CDH4: variants seen among roughly 807,000 people sequenced by gnomAD.
The protein encoded by CDH4 is cadherin-4.
CDH4 carries 33 observed loss-of-function variants against 86.0 expected under a neutral mutation model. The ratio of observed to expected loss-of-function variants is 0.38; its 90% CI spans 0.29 to 0.51. The LOEUF (loss-of-function observed/expected upper bound fraction) is 0.51, where lower values mean the gene tolerates loss of function less well. Ranked by LOEUF, CDH4 falls within the 20% of genes least tolerant of loss-of-function variation. CDH4 has a pLI of 0.86. For missense variants in CDH4, 1,114 were observed against 1,307.4 expected (o/e 0.85, Z 2.28); for synonymous variants, 555 against 549.4 (o/e 1.01, Z -0.14).
At position 61,565,136 on chromosome 20, in the gene CDH4, C is replaced by G. The variant is rs111600096; in HGVS notation, c.170-178427C>G. Reference sequence around the variant, plus strand: ...TGCTGGTGCTCTTGGTGGTGCTGGTCCTCTTGGTGTTGGTAGTGGTCCTCT... The same window carrying G: ...TGCTGGTGCTCTTGGTGGTGCTGGTGCTCTTGGTGTTGGTAGTGGTCCTCT... On this transcript the variant is annotated intron_variant, in intron 2 of 15. Coordinates refer to ENST00000614565, the MANE Select transcript of CDH4 (RefSeq NM_001794.5). Among the ~76,000 whole-genome samples, 617 of 66,982 alleles carry G rather than the reference C, an allele frequency of 9.2e-3. 10 individuals are homozygous for G. The highest frequency in any genetic ancestry group is 0.033 in the African/African-American group (445 of 13,442). 43.9% of individuals were successfully genotyped at this position (66,982 alleles called of 152,430 possible).
intron 4 of CDH4, among the ~76,000 whole-genome samples, chr20:61,828,631 C>A (rs1311579244): frequency 6.6e-6 from 1 of 152,236 alleles, no homozygotes; most frequent in Non-Finnish European, 1.5e-5. Flanking sequence ...TCCCAAGGCT[C>A]TTCCTTCCCT....
At chr20:61,296,226 AAAT>A (rs1465798092) in intron 2 of CDH4, among the ~76,000 whole-genome samples, 1 of 149,464 alleles carries the variant, frequency 6.7e-6, no homozygotes, top group Non-Finnish European at 1.5e-5. Flanking sequence ...AGAGTTGTCA[AAAT>A]AATGAGTGTG....
At chr20:61,756,638 T>C (rs542345294) in intron 3 of CDH4, among the ~76,000 whole-genome samples, 18 of 151,332 alleles carry the variant, frequency 1.2e-4, no homozygotes, top group Non-Finnish European at 2.5e-4. Context: ...TTCTTGCCCT[T>C]CACCCTGAGA....
chr20:61,458,294 A>G (rs2085421031), intron 2 of CDH4, among the ~76,000 whole-genome samples: 1 of 149,202 alleles, frequency 6.7e-6, no homozygotes, highest in Non-Finnish European at 1.5e-5. Context: ...GGTGATGGTG[A>G]TGGTATGACT....
At chr20:61,901,496 CG>C (rs891533500) in intron 8 of CDH4, among the ~76,000 whole-genome samples, 73 of 152,378 alleles carry the variant, frequency 4.8e-4, no homozygotes, top group Non-Finnish European at 1.5e-5. Flanking sequence ...CCAGCCCCGT[CG>C]GGGGGCGCAG....
At chr20:61,323,660 G>A (rs530937472) in intron 2 of CDH4, among the ~76,000 whole-genome samples, 55 of 152,196 alleles carry the variant, frequency 3.6e-4, no homozygotes, top group Admixed American at 1.1e-3. Flanking sequence ...TCACCAGTTC[G>A]GCAATCAGAG....
chr20:61,315,613 C>A (rs181101983), intron 2 of CDH4, among the ~76,000 whole-genome samples: 1 of 152,168 alleles, frequency 6.6e-6, no homozygotes, highest in Non-Finnish European at 1.5e-5. Context: ...TGGACCTGTT[C>A]GTCATGAGGC....
rs1038432637 is a variant in CDH4 at position 61,634,611 on chromosome 20, C to A, written c.170-108952C>A. On this transcript the variant is annotated intron_variant, in intron 2 of 15. Coordinates refer to ENST00000614565, the MANE Select transcript of CDH4 (RefSeq NM_001794.5). ...GCAGCAATGTGTGTGTGGCACCCAG[C>A]ACTCCTGGGCCGCCCCAGCCCGTTG... Among the ~76,000 whole-genome samples the A allele has an allele frequency of 8.1e-4, 123 of 152,322 alleles. 1 individual carries two copies. The highest frequency in any genetic ancestry group is 2.9e-3 in the African/African-American group (119 of 41,580).
intron 2 of CDH4, among the ~76,000 whole-genome samples, chr20:61,733,355 C>A (rs973610141): frequency 6.6e-6 from 1 of 151,504 alleles, no homozygotes; most frequent in East Asian, 1.9e-4. Context: ...TCACAGCCGC[C>A]GCTCCCAGTG....
At chr20:61,558,437 C>A (rs750203058) in intron 2 of CDH4, among the ~76,000 whole-genome samples, 7 of 152,084 alleles carry the variant, frequency 4.6e-5, no homozygotes, top group Non-Finnish European at 7.3e-5. Flanking sequence ...CTTTGTAAAT[C>A]CTTTATCTTA....
intron 4 of CDH4, among the ~76,000 whole-genome samples, chr20:61,842,497 A>G (rs996505947): frequency 2.6e-5 from 4 of 152,258 alleles, no homozygotes; most frequent in African/African-American, 9.6e-5. Context: ...TCCTGAAGTC[A>G]TACGGTATCT....
intron 2 of CDH4, among the ~76,000 whole-genome samples, chr20:61,306,337 T>C (rs2084417093): frequency 2.1e-5 from 1 of 46,562 alleles, no homozygotes. Flanking sequence ...TTCTTTTTTC[T>C]TTCTTTTTCT....
At chr20:61,849,134 A>T (rs73915104) in intron 5 of CDH4, among the ~76,000 whole-genome samples, 5,114 of 152,106 alleles carry the variant, frequency 0.034, 136 homozygotes, top group African/African-American at 0.074. Context: ...AAATTCTGGA[A>T]TGAAGCCCTC....
At chr20:61,631,602 C>G (rs1445810543) in intron 2 of CDH4, among the ~76,000 whole-genome samples, 1 of 152,170 alleles carries the variant, frequency 6.6e-6, no homozygotes, top group Non-Finnish European at 1.5e-5. Context: ...CGAGATCACG[C>G]CACTGCTCTC....
intron 2 of CDH4, among the ~76,000 whole-genome samples, chr20:61,339,914 C>T (rs2084641080): frequency 6.6e-6 from 1 of 152,172 alleles, no homozygotes; most frequent in South Asian, 2.1e-4. Context: ...AGGGAACAGT[C>T]CTCTGAATTA....
chr20:61,536,627 C>T (rs1405740185), intron 2 of CDH4, among the ~76,000 whole-genome samples: 1 of 152,132 alleles, frequency 6.6e-6, no homozygotes, highest in Non-Finnish European at 1.5e-5. Flanking sequence ...CATTGTCTCA[C>T]GAAATAAAAG....
chr20:61,383,568 T>TG (rs1385176033), intron 2 of CDH4, among the ~76,000 whole-genome samples: 2 of 8,256 alleles, frequency 2.4e-4, no homozygotes, highest in Non-Finnish European at 6.9e-4. Flanking sequence ...ATATGATATA[T>TG]GATATATATG....
chr20:61,726,544 A>C (rs1370179381), intron 2 of CDH4, among the ~76,000 whole-genome samples: 1 of 152,114 alleles, frequency 6.6e-6, no homozygotes, highest in African/African-American at 2.4e-5. Flanking sequence ...GGCATGTGGT[A>C]TGGGCCAAGT....
intron 2 of CDH4, among the ~76,000 whole-genome samples, chr20:61,563,562 C>T (rs1302373095): frequency 6.6e-6 from 1 of 152,250 alleles, no homozygotes; most frequent in East Asian, 1.9e-4. Context: ...CCCTCACCAG[C>T]ATTCCATGAA....
Sources: allele counts gnomAD v4.1 joint callset (sites outside exome capture counted in the v4.1 genomes callset), GRCh38; gene constraint gnomAD v4.1.1; transcripts MANE v1.5; gene names NCBI Gene and HGNC (gene_info 2026-07-23, HGNC 2026-07-21).